ACAT1: variants seen among roughly 807,000 people sequenced by gnomAD.
ACAT1 encodes acetyl-CoA acetyltransferase, mitochondrial.
Under a neutral mutation model 47.3 loss-of-function variants are expected in ACAT1, and 28 were observed. The ratio of observed to expected loss-of-function variants is 0.59; its 90% CI spans 0.44 to 0.81. The LOEUF (loss-of-function observed/expected upper bound fraction) is 0.81, where lower values mean the gene tolerates loss of function less well. ACAT1 is among the 30% of genes least tolerant of loss of function. The pLI, the probability that ACAT1 is intolerant of heterozygous loss-of-function variation, is 0.00. For missense variants in ACAT1, 469 were observed against 524.3 expected (o/e 0.89, Z 1.03); for synonymous variants, 181 against 173.6 (o/e 1.04, Z -0.34).
rs939189739 is a variant in ACAT1 at position 108,137,100 on chromosome 11, C to T, written c.436-1798C>T. On this transcript the variant is annotated intron_variant, in intron 5 of 11. Transcript: ENST00000265838. ...CTAGTGGGAAGACTTGACATGTAAACATATAATAATATTAAAAGCATTGCA... is the reference window on the plus strand; with the variant it reads ...CTAGTGGGAAGACTTGACATGTAAATATATAATAATATTAAAAGCATTGCA... Among the ~76,000 whole-genome samples, 4 of 152,082 alleles carry T rather than the reference C, an allele frequency of 2.6e-5. No homozygotes were observed. The East Asian group carries it at 5.8e-4, about 22-fold the overall frequency.
intron 11 of ACAT1, 33 bp downstream of exon 11, chr11:108,146,392 G>C (rs1485535326): frequency 6.2e-7 from 1 of 1,609,474 alleles, no homozygotes; most frequent in Non-Finnish European, 8.5e-7. Context: ...TCTAGGTTAA[G>C]AGCTGCCTTT....
intron 1 of ACAT1, among the ~76,000 whole-genome samples, chr11:108,124,485 A>G (rs570054224): frequency 2.3e-4 from 35 of 151,680 alleles, no homozygotes; most frequent in African/African-American, 6.5e-4. Flanking sequence ...ATGGGCTCGA[A>G]CTCCTGACCA....
In ACAT1 at chr11:108,134,293, C is replaced by G. The variant is rs1312177172; in HGVS notation, c.311C>G (p.Thr104Arg). The G allele has an allele frequency of 1.9e-6, 3 of 1,612,954 alleles. No individual in the cohort carries two copies. The highest frequency in any genetic ancestry group is 2.7e-5 in the African/African-American group (2 of 74,710). ...VLQGGEGQAPTRQAVLGAGLP... is the reference protein window; with the variant it reads ...VLQGGEGQAPRRQAVLGAGLP... ...CAAGGAGGTGAAGGACAAGCTCCTA[C>G]AAGGCAGGCAGTATTGGGTGCAGGT... is the stretch of plus-strand genomic sequence containing the variant. The change falls in exon 4 of 12, where the codon ACA becomes AGA. Residue 104 changes from threonine (T) to arginine (R), a missense_variant. Thr to Arg is a moderately conservative substitution (Grantham distance 71). Transcript: ENST00000265838.
intron 6 of ACAT1, 42 bp downstream of exon 6, chr11:108,139,083 A>G: frequency 3.7e-6 from 6 of 1,609,516 alleles, no homozygotes; most frequent in Non-Finnish European, 5.1e-6. Context: ...CTAATGTCCA[A>G]TACTGTTTGA....
At chr11:108,139,152 A>G in intron 6 of ACAT1, 111 bp downstream of exon 6, 1 of 1,391,740 alleles carries the variant, frequency 7.2e-7, no homozygotes, top group African/African-American at 1.4e-5. Flanking sequence ...ATAAATGTTG[A>G]TTTTAGCCGT....
At chr11:108,132,154 T>C (rs1302427661) in intron 2 of ACAT1, among the ~76,000 whole-genome samples, 200 bp downstream of exon 2, 1 of 152,222 alleles carries the variant, frequency 6.6e-6, no homozygotes, top group East Asian at 1.9e-4. Context: ...CCAATGTTTG[T>C]TGCTTCCTTA....
rs757956611 is a variant in ACAT1 at position 108,138,982 on chromosome 11, A to G, written c.520A>G (p.Lys174Glu). The G allele has an allele frequency of 6.2e-7, 1 of 1,614,176 alleles. No individual in the cohort carries two copies. Among genetic ancestry groups the G allele is most frequent in the Admixed American group, 1.7e-5 (1 of 60,008 alleles). ...AGGATCAACACCATATGGTGGGGTAAAGCTTGAAGATTTGATTGTAAAAGA... is the reference window on the plus strand; with the variant it reads ...AGGATCAACACCATATGGTGGGGTAGAGCTTGAAGATTTGATTGTAAAAGA... ...NRGSTPYGGV[K>E]LEDLIVKDGL... The change falls in exon 6 of 12, where the codon AAG (lysine) becomes GAG (glutamate). Residue 174 changes from lysine to glutamate, a missense_variant. Transcript: ENST00000265838.
chr11:108,135,616 T>C (rs1487364434), intron 5 of ACAT1, among the ~76,000 whole-genome samples: 1 of 151,966 alleles, frequency 6.6e-6, no homozygotes, highest in Non-Finnish European at 1.5e-5. Flanking sequence ...CCCAGCACTT[T>C]GGGAGGCTGA....
Position 108,139,006 on chromosome 11 carries a change from G to T in ACAT1, c.544G>T (p.Asp182Tyr). The change falls in exon 6 of 12, where the codon GAC (aspartate) becomes TAC (tyrosine). Residue 182 changes from aspartate to tyrosine, a missense_variant. Coordinates refer to ENST00000265838, the MANE Select transcript of ACAT1 (RefSeq NM_000019.4). ...AAAGCTTGAAGATTTGATTGTAAAA[G>T]ACGGGCTAACTGATGTCTACAATAA... ...GVKLEDLIVK[D>Y]GLTDVYNKIH... 2.5e-6 allele frequency: 4 copies of T among 1,614,156 alleles called. No homozygotes were observed. Among genetic ancestry groups the T allele is most frequent in the Non-Finnish European group, 3.4e-6 (4 of 1,180,030 alleles).
chr11:108,127,059 GC>G (rs753486742), intron 1 of ACAT1, among the ~76,000 whole-genome samples: 1 of 151,450 alleles, frequency 6.6e-6, no homozygotes, highest in Non-Finnish European at 1.5e-5. Context: ...CTCGTGATCC[GC>G]CCCCCTCGGC....
intron 4 of ACAT1, 156 bp downstream of exon 4, chr11:108,134,472 G>GT: frequency 1.8e-6 from 1 of 543,016 alleles, no homozygotes; most frequent in Non-Finnish European, 3.4e-6. Context: ...GTGAAACCCC[G>GT]TCTCTACTAA....
At chr11:108,138,608 G>C in intron 5 of ACAT1, 1 of 384,086 alleles carries the variant, frequency 2.6e-6, no homozygotes, top group South Asian at 2.2e-5. Flanking sequence ...TGTTGGCCAG[G>C]CGGATCCAGA....
intron 6 of ACAT1, 156 bp from the exon 7 acceptor site, chr11:108,139,909 C>T: frequency 1.2e-6 from 1 of 847,794 alleles, no homozygotes; most frequent in Middle Eastern, 3.7e-4. Flanking sequence ...CCTTGGCCCC[C>T]CAAAGTGCTG....
chr11:108,134,051 T>A, intron 3 of ACAT1, 114 bp downstream of exon 3: 4 of 1,186,198 alleles, frequency 3.4e-6, no homozygotes, highest in Non-Finnish European at 3.7e-6. Context: ...TGCCTACATT[T>A]CTGCTTTCCC....
At chr11:108,122,822 G>T (rs1354815800) in intron 1 of ACAT1, among the ~76,000 whole-genome samples, 1 of 152,050 alleles carries the variant, frequency 6.6e-6, no homozygotes, top group East Asian at 1.9e-4. Context: ...AAGTAATTAG[G>T]TTATCTTGGG....
intron 6 of ACAT1, among the ~76,000 whole-genome samples, chr11:108,139,640 A>G (rs993439741): frequency 6.6e-6 from 1 of 151,772 alleles, no homozygotes; most frequent in Non-Finnish European, 1.5e-5. Flanking sequence ...AGAAATATAT[A>G]TGTGTGTGTG....
chr11:108,142,685 A>C (rs923389881), intron 9 of ACAT1, 135 bp downstream of exon 9: 5 of 709,786 alleles, frequency 7.0e-6, no homozygotes, highest in Admixed American at 2.1e-5. Context: ...AAAAGTTAAA[A>C]AATTAGCTGA....
At position 108,133,954 on chromosome 11, in the gene ACAT1, CT is replaced by C; in HGVS notation, c.238+22del. ...AAAAGGCAGGTCAGTAGTTACTTGG[CT>C]TTTTGTGTTAAGGGAGCAAAAAGAT... On this transcript the variant is annotated intron_variant, in intron 3 of 11. Transcript: ENST00000265838. The C allele has an allele frequency of 6.2e-7, 1 of 1,602,002 alleles. No homozygotes were observed. The highest frequency in any genetic ancestry group is 8.6e-7 in the Non-Finnish European group (1 of 1,169,172).
At chr11:108,124,281 G>T (rs768068475) in intron 1 of ACAT1, among the ~76,000 whole-genome samples, 6 of 151,740 alleles carry the variant, frequency 4.0e-5, no homozygotes, top group Non-Finnish European at 5.9e-5. Flanking sequence ...TTTATTTTTT[G>T]AGATCAAGTT....
Sources: gnomAD v4.1 joint callset for allele counts (sites outside exome capture counted in the v4.1 genomes callset) on GRCh38, gnomAD v4.1.1 for gene constraint, MANE v1.5 for transcripts, NCBI Gene and HGNC (gene_info 2026-07-23, HGNC 2026-07-21) for gene names.